Variants in ZNF571 observed in about 807,000 individuals in gnomAD.
ZNF571 encodes the protein zinc finger protein 571.
Under a neutral mutation model 7.7 loss-of-function variants are expected in ZNF571, and 4 were observed. The ratio of observed to expected loss-of-function variants is 0.52; its 90% CI spans 0.25 to 1.18. The LOEUF (loss-of-function observed/expected upper bound fraction) is 1.18. ZNF571 is among the 50% of genes most tolerant of loss of function. The pLI is 0.14. For missense variants in ZNF571, 704 were observed against 726.9 expected (o/e 0.97, Z 0.36); for synonymous variants, 251 against 232.4 (o/e 1.08, Z -0.73).
intron 1 of ZNF571, chr19:37,594,112 A>G (rs959635321): frequency 1.3e-5 from 2 of 152,270 alleles, no homozygotes; most frequent in African/African-American, 4.8e-5. Flanking sequence ...AGTCTTCCCC[A>G]CAGGGCTGTC....
Position 37,565,135 on chromosome 19 carries a change from G to T in ZNF571, c.1293C>A (p.Gly431=). The change falls in exon 4 of 4, where the codon GGC becomes GGA. Residue 431 remains glycine, a synonymous_variant. Transcript: ENST00000451802. ...CKECGKAFIC[G]KQLSEHQRIH... ...TTCTCTGATGTTCACTAAGTTGTTTGCCACAAATAAAGGCCTTTCCACATT... is the reference window on the plus strand; with the variant it reads ...TTCTCTGATGTTCACTAAGTTGTTTTCCACAAATAAAGGCCTTTCCACATT... The T allele has an allele frequency of 6.2e-7, 1 of 1,612,798 alleles. No individual in the cohort carries two copies. Among genetic ancestry groups the T allele is most frequent in the Admixed American group, 1.7e-5 (1 of 59,912 alleles).
At chr19:37,576,550 T>C (rs2043249838) in intron 3 of ZNF571, among the ~76,000 whole-genome samples, 1 of 152,178 alleles carries the variant, frequency 6.6e-6, no homozygotes, top group Admixed American at 6.6e-5. Context: ...TCCTTAGGGT[T>C]TGTAAAATTT....
chr19:37,584,219 T>C (rs764821012), intron 2 of ZNF571, 122 bp from the exon 3 acceptor site: 2 of 1,362,344 alleles, frequency 1.5e-6, no homozygotes, highest in Non-Finnish European at 2.0e-6. Context: ...ATTGGTTGCC[T>C]AAACAGTAGT....
intron 3 of ZNF571, among the ~76,000 whole-genome samples, chr19:37,578,506 A>G (rs1009076641): frequency 2.6e-5 from 4 of 152,180 alleles, no homozygotes; most frequent in Non-Finnish European, 5.9e-5. Context: ...GCTCAAGCCC[A>G]TGTGGAGCAC....
chr19:37,584,235 C>T (rs1412057397), intron 2 of ZNF571, 138 bp from the exon 3 acceptor site: 15 of 1,120,908 alleles, frequency 1.3e-5, no homozygotes, highest in Non-Finnish European at 1.7e-5. Context: ...GTAGTATTAA[C>T]CTGATTCTCT....
intron 1 of ZNF571, 135 bp downstream of exon 1, chr19:37,594,606 C>G (rs1356866764): frequency 1.3e-5 from 2 of 152,356 alleles, no homozygotes; most frequent in African/African-American, 4.8e-5. Context: ...AAGTAATTAG[C>G]CAGAGCACCG....
intron 1 of ZNF571, among the ~76,000 whole-genome samples, chr19:37,589,822 G>A (rs144456274): frequency 0.029 from 3,459 of 118,770 alleles, 158 homozygotes; most frequent in African/African-American, 0.11. Flanking sequence ...CCAAGATCGC[G>A]CCACTGCACT....
chr19:37,591,566 T>C (rs2043868199), intron 1 of ZNF571, among the ~76,000 whole-genome samples: 1 of 152,188 alleles, frequency 6.6e-6, no homozygotes, highest in African/African-American at 2.4e-5. Flanking sequence ...TATCTTGAGA[T>C]GGAGTTTCAC....
chr19:37,579,634 A>G (rs1276058733), intron 3 of ZNF571, among the ~76,000 whole-genome samples: 1 of 152,022 alleles, frequency 6.6e-6, no homozygotes, highest in Non-Finnish European at 1.5e-5. Context: ...AGATCTTACC[A>G]TTTTCTCATT....
At chr19:37,568,332 C>T (rs1427076074) in intron 3 of ZNF571, among the ~76,000 whole-genome samples, 1 of 141,260 alleles carries the variant, frequency 7.1e-6, no homozygotes, top group Non-Finnish European at 1.5e-5. Flanking sequence ...CCCCCACTTG[C>T]CATATACACA....
At chr19:37,566,407 T>TA (rs2042862322) in intron 3 of ZNF571, 116 bp from the exon 4 acceptor site, 1 of 1,186,742 alleles carries the variant, frequency 8.4e-7, no homozygotes, top group Non-Finnish European at 1.2e-6. Context: ...GCTTAAACAG[T>TA]ACAGAAATAT....
In ZNF571 at chr19:37,565,965, T is replaced by C. The variant is rs2042842594; in HGVS notation, c.463A>G (p.Ile155Val). Residue 155 changes from isoleucine (I) to valine (V), a missense_variant, in exon 4 of 4, where the codon ATT becomes GTT. Coordinates refer to ENST00000451802, the MANE Select transcript of ZNF571 (RefSeq NM_016536.5). ...RQGFSYLSCLIQHEENHNIEK... is the reference protein window; with the variant it reads ...RQGFSYLSCLVQHEENHNIEK... ...ATATTATGATTTTCCTCATGTTGAA[T>C]AAGGCATGACAGGTAGCTGAAACCT... The C allele has an allele frequency of 6.2e-7, 1 of 1,613,758 alleles. No individual in the cohort carries two copies. The highest frequency in any genetic ancestry group is 8.5e-7 in the Non-Finnish European group (1 of 1,179,800).
At position 37,565,326 on chromosome 19, in the gene ZNF571, A is replaced by G. The variant is rs1258694676; in HGVS notation, c.1102T>C (p.Cys368Arg). The G allele has an allele frequency of 4.3e-6, 7 of 1,612,284 alleles. No homozygotes were observed. Among genetic ancestry groups the G allele is most frequent in the Admixed American group, 3.3e-5 (2 of 59,726 alleles). ...TGEKPYECKE[C>R]GKTFFRGSQL... ...GAGCCACGAAAAAAGGTCTTCCCGC[A>G]TTCTTTACATTCATAGGGTTTCTCT... is the stretch of plus-strand genomic sequence containing the variant. Residue 368 changes from cysteine to arginine, a missense_variant, in exon 4 of 4, where the codon TGC becomes CGC. By Grantham distance (180) the Cys-to-Arg change is radical. Transcript: ENST00000451802.
Position 37,564,984 on chromosome 19 carries a change from T to G in ZNF571, c.1444A>C (p.Thr482Pro), listed in dbSNP as rs1328386507. Reference protein sequence around the residue: ...KHYECKECGKTFVRATQLTYH... With the variant: ...KHYECKECGKPFVRATQLTYH... ...GTAAGTTGTGTAGCACGTACAAAGG[T>G]CTTCCCACATTCCTTACATTCATAA... The change falls in exon 4 of 4, where the codon ACC becomes CCC. Residue 482 changes from threonine to proline, a missense_variant. Transcript: ENST00000451802. 1 of 1,613,468 alleles carries G rather than the reference T, an allele frequency of 6.2e-7. No individual in the cohort carries two copies. Among genetic ancestry groups the G allele is most frequent in the Non-Finnish European group, 8.5e-7 (1 of 1,179,836 alleles).
intron 3 of ZNF571, among the ~76,000 whole-genome samples, chr19:37,582,268 C>T (rs879795914): frequency 3.1e-4 from 47 of 152,134 alleles, no homozygotes; most frequent in Non-Finnish European, 5.7e-4. Context: ...TCACCAACAC[C>T]CTTCATCCTG....
intron 1 of ZNF571, among the ~76,000 whole-genome samples, chr19:37,587,592 C>CTT (rs199760691): frequency 1.4e-5 from 2 of 144,742 alleles, no homozygotes; most frequent in Non-Finnish European, 1.5e-5. Flanking sequence ...TAGCACTGAT[C>CTT]TTTTTTTTTT....
rs762937113 is a variant in ZNF571, at chr19:37,565,368, G to A, written c.1060C>T (p.Gln354Ter). 6.2e-7 allele frequency: 1 copy of A among 1,613,598 alleles called. No individual in the cohort carries two copies. Among genetic ancestry groups the A allele is most frequent in the Non-Finnish European group, 8.5e-7 (1 of 1,179,840 alleles). ...FLCASQLNEH[Q>*]RIHTGEKPYE... ...GGTTTCTCTCCTGTATGAATTCTCT[G>A]ATGTTCATTCAGTTGGGAGGCACAT... is the stretch of plus-strand genomic sequence containing the variant. The change falls in exon 4 of 4, where the codon CAG (glutamine) becomes TAG (stop). Residue 354 changes from glutamine to a stop codon, truncating the protein, a stop_gained. Transcript: ENST00000451802. LOFTEE classifies it low-confidence loss of function (END_TRUNC).
chr19:37,589,220 A>C (rs2147210477), intron 1 of ZNF571, among the ~76,000 whole-genome samples: 1 of 151,214 alleles, frequency 6.6e-6, no homozygotes. Flanking sequence ...AAAAAAAAAA[A>C]ATCACAAAAA....
At position 37,583,849 on chromosome 19, in the gene ZNF571, T is replaced by C. The variant is rs1197423391; in HGVS notation, c.136+122A>G. On this transcript the variant is annotated intron_variant, in intron 3 of 3. Transcript: ENST00000451802. ...GAGATAAAAAGGTACACGGTGGAGC[T>C]GTCCATTTCTACTTCTACTCAAACG... 4.2e-6 allele frequency: 4 copies of C among 948,190 alleles called. No homozygotes were observed. In the African/African-American group the frequency reaches 6.6e-5, roughly 16 times the overall value. The allele number at this position is 948,190 out of a possible 1,614,324, so 58.7% of individuals were successfully genotyped here.
Sources: allele counts gnomAD v4.1 joint callset (sites outside exome capture counted in the v4.1 genomes callset), GRCh38; gene constraint gnomAD v4.1.1; transcripts MANE v1.5; gene names NCBI Gene and HGNC (gene_info 2026-07-23, HGNC 2026-07-21).